FHIT: variants seen among roughly 807,000 people sequenced by gnomAD.
The protein encoded by FHIT is bis(5'-adenosyl)-triphosphatase.
Under a neutral mutation model 17.9 loss-of-function variants are expected in FHIT, and 19 were observed. The ratio of observed to expected loss-of-function variants is 1.06; its 90% CI spans 0.74 to 1.56. The LOEUF (loss-of-function observed/expected upper bound fraction) is 1.56, where lower values mean the gene tolerates loss of function less well. Ranked by LOEUF, FHIT falls within the 40% of genes most tolerant of loss-of-function variation. The pLI, the probability that FHIT is intolerant of heterozygous loss-of-function variation, is 0.00. For synonymous variants in FHIT, 81 were observed against 69.7 expected (o/e 1.16, Z -0.81); for missense variants, 248 against 189.2 (o/e 1.31, Z -1.82).
intron 5 of FHIT, among the ~76,000 whole-genome samples, chr3:60,190,825 C>A (rs1202448029): frequency 6.6e-6 from 1 of 151,928 alleles, no homozygotes; most frequent in Non-Finnish European, 1.5e-5. Context: ...CACGTGTAGT[C>A]CCAGCTACTT....
chr3:60,504,032 C>T lies in FHIT; in HGVS notation c.103+32828G>A, dbSNP rs555845193. Among the ~76,000 whole-genome samples, 20 of 152,242 alleles carry T rather than the reference C, an allele frequency of 1.3e-4. No homozygotes were observed. The South Asian group carries it at 4.1e-3, about 32-fold the overall frequency. On this transcript the variant is annotated intron_variant, in intron 5 of 9. Transcript: ENST00000492590. ...ACAAAGTGACGTTAATTTTACTACA[C>T]AGATAAATGACCACATAGCTCAAAT...
At chr3:60,581,733 CAG>C (rs1431840547) in intron 4 of FHIT, among the ~76,000 whole-genome samples, 3 of 152,086 alleles carry the variant, frequency 2.0e-5, no homozygotes, top group African/African-American at 4.8e-5. Flanking sequence ...AATGTTTCTG[CAG>C]AGTTTAGTGA....
At chr3:60,006,592 G>A (rs946096421) in intron 7 of FHIT, among the ~76,000 whole-genome samples, 1 of 151,436 alleles carries the variant, frequency 6.6e-6, no homozygotes. Context: ...ACCATGTACT[G>A]AACATCAATA....
At chr3:60,733,496 TTA>T (rs1196297675) in intron 4 of FHIT, among the ~76,000 whole-genome samples, 10 of 152,164 alleles carry the variant, frequency 6.6e-5, no homozygotes, top group Admixed American at 2.6e-4. Context: ...GACCTCTGGG[TTA>T]TGTCATTCCT....
intron 3 of FHIT, among the ~76,000 whole-genome samples, chr3:60,933,303 G>C (rs35558909): frequency 6.6e-6 from 1 of 152,028 alleles, no homozygotes; most frequent in Non-Finnish European, 1.5e-5. Flanking sequence ...CAGTAGTTAC[G>C]TTTTAAAAAG....
chr3:60,529,870 C>G (rs1387265092), intron 5 of FHIT, among the ~76,000 whole-genome samples: 1 of 152,154 alleles, frequency 6.6e-6, no homozygotes, highest in African/African-American at 2.4e-5. Context: ...AAGAACACCC[C>G]TAATATCCCT....
At chr3:60,074,752 C>G (rs1027567258) in intron 5 of FHIT, among the ~76,000 whole-genome samples, 7 of 152,118 alleles carry the variant, frequency 4.6e-5, no homozygotes, top group Non-Finnish European at 8.8e-5. Flanking sequence ...ACTCCCCCAA[C>G]ACTTTCCTCA....
At chr3:60,168,962 A>G (rs934728087) in intron 5 of FHIT, among the ~76,000 whole-genome samples, 3 of 152,194 alleles carry the variant, frequency 2.0e-5, no homozygotes, top group Non-Finnish European at 2.9e-5. Flanking sequence ...GTGTGCTGCT[A>G]TATTCACTGC....
intron 4 of FHIT, among the ~76,000 whole-genome samples, chr3:60,626,307 A>T (rs1456149072): frequency 6.6e-6 from 1 of 152,214 alleles, no homozygotes; most frequent in Non-Finnish European, 1.5e-5. Context: ...TATGGCACTC[A>T]ACAATTTTTG....
chr3:60,760,980 C>T (rs992526017), intron 4 of FHIT, among the ~76,000 whole-genome samples: 13 of 152,022 alleles, frequency 8.6e-5, no homozygotes, highest in Admixed American at 2.0e-4. Context: ...TGTTGGGCTC[C>T]GAGAATGTGA....
At chr3:60,118,785 G>GT (rs1327856222) in intron 5 of FHIT, among the ~76,000 whole-genome samples, 1 of 132,824 alleles carries the variant, frequency 7.5e-6, no homozygotes, top group African/African-American at 2.8e-5. Flanking sequence ...GGGGGGGGGG[G>GT]GGTGGTGAAT....
intron 5 of FHIT, among the ~76,000 whole-genome samples, chr3:60,314,146 T>C (rs1259763544): frequency 6.6e-6 from 1 of 152,214 alleles, no homozygotes; most frequent in Non-Finnish European, 1.5e-5. Context: ...AAAGTCTTGC[T>C]GCGTAAATGC....
chr3:59,992,312 G>A (rs576384004), intron 7 of FHIT, among the ~76,000 whole-genome samples: 171 of 152,076 alleles, frequency 1.1e-3, no homozygotes, highest in African/African-American at 3.7e-3. Flanking sequence ...TTTTCCTGGC[G>A]TAGTACATTT....
At chr3:60,710,965 GCCT>G (rs1446850224) in intron 4 of FHIT, among the ~76,000 whole-genome samples, 4 of 152,222 alleles carry the variant, frequency 2.6e-5, no homozygotes, top group Non-Finnish European at 5.9e-5. Flanking sequence ...TGGGCAGACT[GCCT>G]CCTCAAGTGG....
chr3:60,639,864 A>C (rs1242942364), intron 4 of FHIT, among the ~76,000 whole-genome samples: 5 of 152,190 alleles, frequency 3.3e-5, no homozygotes, highest in African/African-American at 1.2e-4. Flanking sequence ...AGCTTCATTC[A>C]CAATAATCCA....
intron 7 of FHIT, among the ~76,000 whole-genome samples, chr3:59,980,990 G>A (rs1708628996): frequency 6.6e-6 from 1 of 152,004 alleles, no homozygotes; most frequent in Admixed American, 6.6e-5. Flanking sequence ...GACAACCTTT[G>A]TAGTTATGTT....
At chr3:59,936,533 A>C (rs1323499877) in intron 7 of FHIT, among the ~76,000 whole-genome samples, 1 of 152,188 alleles carries the variant, frequency 6.6e-6, no homozygotes, top group Non-Finnish European at 1.5e-5. Flanking sequence ...TGAAGCCTCT[A>C]ATGGAGGTTA....
chr3:61,240,225 C>A (rs990571620), intron 1 of FHIT, among the ~76,000 whole-genome samples: 4 of 152,190 alleles, frequency 2.6e-5, no homozygotes, highest in Non-Finnish European at 5.9e-5. Flanking sequence ...AATGGGATTT[C>A]AAACTACAGT....
intron 1 of FHIT, among the ~76,000 whole-genome samples, chr3:61,210,801 G>T (rs982894917): frequency 1.3e-5 from 2 of 151,774 alleles, no homozygotes; most frequent in African/African-American, 4.8e-5. Context: ...ACAGTGCGCT[G>T]CACCCACTGT....
Sources: allele counts gnomAD v4.1 joint callset (sites outside exome capture counted in the v4.1 genomes callset), GRCh38; gene constraint gnomAD v4.1.1; transcripts MANE v1.5; gene names NCBI Gene and HGNC (gene_info 2026-07-23, HGNC 2026-07-21).